The following PDILT variants were observed in gnomAD, a reference collection of about 807,000 sequenced individuals.
PDILT encodes protein disulfide-isomerase-like protein of the testis.
In PDILT, 43 loss-of-function variants were observed where a neutral mutation model predicts 53.7. The ratio of observed to expected loss-of-function variants is 0.80; its 90% confidence interval spans 0.63 to 1.03. PDILT has a LOEUF of 1.03. Ranked by LOEUF, PDILT falls within the 50% of genes least tolerant of loss-of-function variation. The pLI is 0.00. For synonymous variants in PDILT, 282 were observed against 274.2 expected (o/e 1.03, Z -0.28); for missense variants, 727 against 712.3 (o/e 1.02, Z -0.24).
intron 2 of PDILT, among the ~76,000 whole-genome samples, chr16:20,395,812 T>C (rs1966654836): frequency 6.6e-6 from 1 of 152,168 alleles, no homozygotes; most frequent in African/African-American, 2.4e-5. Flanking sequence ...GCTGCTCCTC[T>C]CTCTTGTTCC....
intron 8 of PDILT, among the ~76,000 whole-genome samples, chr16:20,366,975 CCTTCCTTCCTTCCTTTCTTT>C (rs1567320350): frequency 2.0e-4 from 9 of 44,432 alleles, no homozygotes; most frequent in African/African-American, 3.8e-4. Context: ...TTCCTTCCTT[CCTTCCTTCCTTCCTTTCTTT>C]CTTTCTTTAT....
At chr16:20,370,857 C>T (rs920216311) in intron 7 of PDILT, among the ~76,000 whole-genome samples, 11 of 152,262 alleles carry the variant, frequency 7.2e-5, no homozygotes, top group Admixed American at 2.0e-4. Flanking sequence ...ACCAGCACCA[C>T]GACAGTTTAC....
rs1439587571 is a variant in PDILT at position 20,399,211 on chromosome 16, G to A, written c.90C>T (p.Ser30=). ...TGTGCACAGGCTTGGTTATGTGGAT[G>A]CTGGAAACACCGGCGTTAACCTCTG... The part of the protein sequence containing the change: ...SSPEVNAGVS[S]IHITKPVHIL... Residue 30 remains serine, a synonymous_variant, in exon 2 of 12, where the codon AGC becomes AGT. Transcript: ENST00000302451. 1 of 1,614,190 alleles carries A rather than the reference G, an allele frequency of 6.2e-7. No homozygotes were observed. The highest frequency in any genetic ancestry group is 8.5e-7 in the Non-Finnish European group (1 of 1,180,032).
chr16:20,377,106 G>A (rs542545405), intron 3 of PDILT, among the ~76,000 whole-genome samples: 24 of 152,184 alleles, frequency 1.6e-4, no homozygotes, highest in Non-Finnish European at 2.4e-4. Context: ...GCAACATAGC[G>A]AGACACTCAG....
At chr16:20,383,515 C>T (rs1966490406) in intron 3 of PDILT, among the ~76,000 whole-genome samples, 1 of 150,982 alleles carries the variant, frequency 6.6e-6, no homozygotes, top group African/African-American at 2.4e-5. Flanking sequence ...TGCAGCCCTG[C>T]CCTTAGGTGA....
intron 8 of PDILT, among the ~76,000 whole-genome samples, chr16:20,367,522 G>A (rs550203180): frequency 5.9e-5 from 9 of 152,314 alleles, no homozygotes; most frequent in Middle Eastern, 6.8e-3. Flanking sequence ...TCTTGTAGAG[G>A]ATGCCCATCT....
intron 3 of PDILT, among the ~76,000 whole-genome samples, chr16:20,382,347 C>G (rs1421849034): frequency 6.6e-6 from 1 of 152,192 alleles, no homozygotes; most frequent in Non-Finnish European, 1.5e-5. Flanking sequence ...GCCTGTAGTC[C>G]AAATCTGGCC....
chr16:20,394,274 T>C (rs1327651823), intron 2 of PDILT, among the ~76,000 whole-genome samples: 4 of 152,210 alleles, frequency 2.6e-5, no homozygotes, highest in Non-Finnish European at 5.9e-5. Flanking sequence ...AGAGAACTCT[T>C]TCTGGTGGTT....
intron 8 of PDILT, among the ~76,000 whole-genome samples, chr16:20,367,020 CTTT>C (rs1567320594): frequency 7.1e-6 from 1 of 140,324 alleles, no homozygotes; most frequent in African/African-American, 2.7e-5. Context: ...TTCTCTCTCT[CTTT>C]CTTCTTTCTT....
At chr16:20,360,995 C>T (rs58351658) in intron 10 of PDILT, among the ~76,000 whole-genome samples, 4,907 of 152,178 alleles carry the variant, frequency 0.032, 104 homozygotes, top group Admixed American at 0.058. Flanking sequence ...GTACCTACCT[C>T]GTAGGGTTGT....
At chr16:20,361,265 A>T (rs1966097349) in intron 10 of PDILT, among the ~76,000 whole-genome samples, 1 of 143,676 alleles carries the variant, frequency 7.0e-6, no homozygotes. Context: ...AGCTCACTGC[A>T]ACCTCTGCCT....
At chr16:20,365,152 CA>C (rs1309483353) in intron 9 of PDILT, among the ~76,000 whole-genome samples, 1 of 152,222 alleles carries the variant, frequency 6.6e-6, no homozygotes, top group African/African-American at 2.4e-5. Context: ...CAAACATTGT[CA>C]GCCATGAGCA....
chr16:20,360,693 C>A, intron 10 of PDILT, 36 bp from the exon 11 acceptor site: 1 of 1,477,378 alleles, frequency 6.8e-7, no homozygotes, highest in South Asian at 1.1e-5. Context: ...GGATGGGATC[C>A]TCTTCCCGCA....
intron 8 of PDILT, among the ~76,000 whole-genome samples, 166 bp from the exon 9 acceptor site, chr16:20,365,706 C>T (rs770331829): frequency 6.6e-6 from 1 of 152,078 alleles, no homozygotes; most frequent in Non-Finnish European, 1.5e-5. Context: ...GATGTCAACC[C>T]TGGATGGTTC....
chr16:20,370,983 C>T (rs1195324150), intron 7 of PDILT, among the ~76,000 whole-genome samples: 4 of 152,228 alleles, frequency 2.6e-5, no homozygotes, highest in Admixed American at 1.3e-4. Flanking sequence ...GGCAACCAGC[C>T]GCCCTCGGGG....
At chr16:20,396,237 C>T (rs1485004057) in intron 2 of PDILT, among the ~76,000 whole-genome samples, 1 of 152,176 alleles carries the variant, frequency 6.6e-6, no homozygotes, top group Non-Finnish European at 1.5e-5. Flanking sequence ...AAGAAACTCA[C>T]CCAAGGCCAC....
At chr16:20,384,441 C>T (rs773766915) in intron 3 of PDILT, among the ~76,000 whole-genome samples, 2 of 152,120 alleles carry the variant, frequency 1.3e-5, no homozygotes, top group East Asian at 3.9e-4. Context: ...CCCGTGGTGA[C>T]CTTCTACCCC....
rs1448213515 is a variant in PDILT at position 20,376,138 on chromosome 16, A to C, written c.473T>G (p.Leu158Trp). 6.2e-7 allele frequency: 1 copy of C among 1,614,070 alleles called. No individual in the cohort carries two copies. Among genetic ancestry groups the C allele is most frequent in the Non-Finnish European group, 8.5e-7 (1 of 1,180,038 alleles). The change falls in exon 4 of 12, where the codon TTG (leucine) becomes TGG (tryptophan). Residue 158 changes from leucine to tryptophan, a missense_variant. By Grantham distance (61) the Leu-to-Trp change is moderately conservative (BLOSUM62 -2). Coordinates refer to ENST00000302451, the MANE Select transcript of PDILT (RefSeq NM_174924.2). ...LRRQISQKAF[L>W]FNSSEQVAEF... ...TGCCACCTGCTCGCTGCTGTTGAAC[A>C]AAAATGCTTTCTGGCTAATTTGTCG...
rs1966215725 is a variant in PDILT at position 20,367,051 on chromosome 16, CTTT to C, written c.1117-1514_1117-1512del. Among the ~76,000 whole-genome samples, 3 of 82,386 alleles carry C rather than the reference CTTT, an allele frequency of 3.6e-5. 1 individual carries two copies. 54.0% of individuals were successfully genotyped at this position (82,386 alleles called of 152,430 possible). On this transcript the variant is annotated intron_variant, in intron 8 of 11. Coordinates refer to ENST00000302451, the MANE Select transcript of PDILT (RefSeq NM_174924.2). The stretch of plus-strand genomic sequence containing the variant: ...TCTTTCTTTCTTTCTTTCTTTCTTT[CTTT>C]CTTTCTTTCTTTCTTTCTTTCTTTC...
Sources: allele counts gnomAD v4.1 joint callset (sites outside exome capture counted in the v4.1 genomes callset), GRCh38; gene constraint gnomAD v4.1.1; transcripts MANE v1.5; gene names NCBI Gene and HGNC (gene_info 2026-07-23, HGNC 2026-07-21).